The following CNTNAP5 variants were observed in gnomAD, a reference collection of about 807,000 sequenced individuals.
CNTNAP5 encodes contactin associated protein family member 5, also known as contactin-associated protein-like 5.
In CNTNAP5, 72 loss-of-function variants were observed where a neutral mutation model predicts 150.2. That is an observed-to-expected ratio of 0.48 (90% CI 0.40 to 0.58). CNTNAP5 has a LOEUF of 0.58. CNTNAP5 is among the 20% of genes least tolerant of loss of function. The pLI, the probability that CNTNAP5 is intolerant of heterozygous loss-of-function variation, is 0.00. For synonymous variants in CNTNAP5, 672 were observed against 619.8 expected, an observed-to-expected ratio of 1.08 and a Z score of -1.25; for missense variants, 1,636 against 1,626.2, an observed-to-expected ratio of 1.01 and a Z score of -0.10.
chr2:124,843,463 G>A (rs908222511), intron 19 of CNTNAP5, among the ~76,000 whole-genome samples: 14 of 152,094 alleles, frequency 9.2e-5, no homozygotes, highest in African/African-American at 3.1e-4. Context: ...TGCAAATTTT[G>A]CTGCTATAAA....
chr2:124,600,448 A>G (rs772242528), intron 11 of CNTNAP5, among the ~76,000 whole-genome samples: 6 of 59,932 alleles, frequency 1.0e-4, no homozygotes, highest in Admixed American at 2.7e-4. Flanking sequence ...GTATCAGTAG[A>G]TGAGCAATGA....
At chr2:124,665,944 A>G (rs766178288) in intron 13 of CNTNAP5, among the ~76,000 whole-genome samples, 1 of 152,088 alleles carries the variant, frequency 6.6e-6, no homozygotes, top group Non-Finnish European at 1.5e-5. Context: ...TGCTGCTTTT[A>G]TAAATCTGTG....
At chr2:124,810,355 A>G (rs1036436927) in intron 19 of CNTNAP5, among the ~76,000 whole-genome samples, 3 of 152,152 alleles carry the variant, frequency 2.0e-5, no homozygotes, top group African/African-American at 4.8e-5. Context: ...GGCTGTTGAC[A>G]GGAGATTTCA....
chr2:124,126,258 C>A (rs559385856), intron 1 of CNTNAP5, among the ~76,000 whole-genome samples: 16 of 152,308 alleles, frequency 1.1e-4, no homozygotes, highest in African/African-American at 3.8e-4. Context: ...CACAGAAGTA[C>A]AAACTAACGT....
chr2:124,856,799 G>A (rs13403519), intron 19 of CNTNAP5, among the ~76,000 whole-genome samples: 16,041 of 152,120 alleles, frequency 0.11, 2,671 homozygotes, highest in African/African-American at 0.36. Context: ...TCTTCCATGC[G>A]AGGTTCTTTC....
chr2:124,352,685 A>G (rs1323134576), intron 3 of CNTNAP5, among the ~76,000 whole-genome samples: 1 of 152,194 alleles, frequency 6.6e-6, no homozygotes, highest in Non-Finnish European at 1.5e-5. Context: ...CATCTGTAGT[A>G]AAACCTGTGG....
chr2:124,798,249 A>G lies in CNTNAP5; in HGVS notation c.3146A>G (p.Gln1049Arg). The stretch of plus-strand genomic sequence containing the variant: ...ATTGCACTTAGCTTTGTGACAACCC[A>G]GGCACCCAGTCTTTTGCTCTTTATC... ...ENIALSFVTT[Q>R]APSLLLFINS... is the part of the protein sequence containing the mutation. The change falls in exon 19 of 24, where the codon CAG becomes CGG. Residue 1049 changes from glutamine to arginine, a missense_variant. Coordinates refer to ENST00000682447, the MANE Select transcript of CNTNAP5 (RefSeq NM_001367498.1). The G allele has an allele frequency of 6.2e-7, 1 of 1,613,960 alleles. No homozygotes were observed. Among genetic ancestry groups the G allele is most frequent in the Non-Finnish European group, 8.5e-7 (1 of 1,179,842 alleles).
At chr2:124,716,279 A>G (rs1469987494) in intron 13 of CNTNAP5, among the ~76,000 whole-genome samples, 1 of 152,190 alleles carries the variant, frequency 6.6e-6, no homozygotes, top group Non-Finnish European at 1.5e-5. Flanking sequence ...ATAACCCTAA[A>G]TGTGTGGCAC....
intron 1 of CNTNAP5, among the ~76,000 whole-genome samples, chr2:124,067,401 G>C (rs557150897): frequency 1.7e-3 from 262 of 152,232 alleles, no homozygotes; most frequent in Non-Finnish European, 2.7e-3. Flanking sequence ...TCCTTGATCT[G>C]TGGCTGCATC....
chr2:124,191,854 G>A lies in CNTNAP5; in HGVS notation c.83-29851G>A, dbSNP rs376911703. 2.7e-4 allele frequency among the ~76,000 whole-genome samples: 41 copies of A among 151,864 alleles called. No homozygotes were observed. The East Asian group carries it at 5.6e-3, about 21-fold the overall frequency. ...CTCTTTAACCCTGGAGGCAGAGATC[G>A]TGCCACTGCACTCCAGCCTGGGCAA... On this transcript the variant is annotated intron_variant, in intron 1 of 23. Transcript: ENST00000682447.
chr2:124,093,960 G>C (rs866985061), intron 1 of CNTNAP5, among the ~76,000 whole-genome samples: 3 of 152,208 alleles, frequency 2.0e-5, no homozygotes, highest in African/African-American at 4.8e-5. Flanking sequence ...TTCTGATGGA[G>C]GAGAAATTTG....
intron 3 of CNTNAP5, among the ~76,000 whole-genome samples, chr2:124,368,390 C>T (rs1028060778): frequency 3.3e-5 from 5 of 152,062 alleles, no homozygotes; most frequent in South Asian, 2.1e-4. Flanking sequence ...ATGTGCTGCT[C>T]GGAATAAAAA....
chr2:124,193,494 G>A (rs1685505784), intron 1 of CNTNAP5, among the ~76,000 whole-genome samples: 1 of 152,144 alleles, frequency 6.6e-6, no homozygotes, highest in South Asian at 2.1e-4. Flanking sequence ...GTTAAATTGA[G>A]GGAAAGTCTG....
intron 21 of CNTNAP5, among the ~76,000 whole-genome samples, chr2:124,900,150 C>T (rs1017096545): frequency 3.3e-5 from 5 of 151,250 alleles, no homozygotes; most frequent in South Asian, 4.2e-4. Flanking sequence ...AACACATATC[C>T]GGAAGAACTT....
chr2:124,052,963 A>G (rs1264195446), intron 1 of CNTNAP5, among the ~76,000 whole-genome samples: 3 of 152,040 alleles, frequency 2.0e-5, no homozygotes, highest in Non-Finnish European at 4.4e-5. Context: ...CCTTCAAGAC[A>G]TGGTTCAGAA....
At chr2:124,288,895 G>A (rs1325208600) in intron 3 of CNTNAP5, among the ~76,000 whole-genome samples, 2 of 152,212 alleles carry the variant, frequency 1.3e-5, no homozygotes, top group East Asian at 1.9e-4. Context: ...GAATGATTGT[G>A]TGAATAAATG....
chr2:124,805,587 T>G (rs935809534), intron 19 of CNTNAP5, among the ~76,000 whole-genome samples: 1 of 152,188 alleles, frequency 6.6e-6, no homozygotes. Flanking sequence ...AGAGCTAGTA[T>G]GGAAATAAAG....
intron 2 of CNTNAP5, among the ~76,000 whole-genome samples, chr2:124,226,190 C>T (rs904615973): frequency 2.0e-5 from 3 of 151,346 alleles, no homozygotes; most frequent in East Asian, 1.9e-4. Flanking sequence ...ACCTCCATAC[C>T]GTTTCTTATA....
intron 3 of CNTNAP5, among the ~76,000 whole-genome samples, chr2:124,247,612 G>A (rs1179775335): frequency 6.6e-6 from 1 of 152,048 alleles, no homozygotes; most frequent in African/African-American, 2.4e-5. Flanking sequence ...AAGAGAAAAT[G>A]GTGAAAGTGA....
Sources: allele counts gnomAD v4.1 joint callset (sites outside exome capture counted in the v4.1 genomes callset), GRCh38; gene constraint gnomAD v4.1.1; transcripts MANE v1.5; gene names NCBI Gene and HGNC (gene_info 2026-07-23, HGNC 2026-07-21).